Variants in DDHD1 observed in about 807,000 individuals in gnomAD.
The protein encoded by DDHD1 is phospholipase DDHD1.
A neutral mutation model predicts 96.4 loss-of-function variants in DDHD1; 49 were observed. The ratio of observed to expected loss-of-function variants is 0.51; its 90% CI spans 0.40 to 0.64. DDHD1 has a LOEUF of 0.64. DDHD1 is among the 30% of genes least tolerant of loss of function. The probability of loss-of-function intolerance (pLI) is 0.00; values close to 1 mark genes in which losing one functional copy is unlikely to be tolerated. For synonymous variants in DDHD1, 442 were observed against 446.5 expected, an observed-to-expected ratio of 0.99 and a Z score of 0.13; for missense variants, 1,106 against 1,161.2, an observed-to-expected ratio of 0.95 and a Z score of 0.69.
rs960496203 is a variant in DDHD1, at chr14:53,152,696, C to T, written c.403G>A (p.Ala135Thr). The T allele has an allele frequency of 6.2e-6, 10 of 1,610,998 alleles. No homozygotes were observed. Among genetic ancestry groups the T allele is most frequent in the Middle Eastern group, 1.7e-4 (1 of 6,004 alleles). The change falls in exon 1 of 13, where the codon GCG (alanine) becomes ACG (threonine). Residue 135 changes from alanine (A) to threonine (T), a missense_variant. Transcript: ENST00000673822. ...CTTTCCCCGGGGGACCCTCCTGTCG[C>T]GCCGCCGCCCCCCGAGTTCGTCGGG... ...LVPTNSGGGGATGGSPGERKR... is the reference protein window; with the variant it reads ...LVPTNSGGGGTTGGSPGERKR...
chr14:53,110,241 A>T (rs937165867), intron 1 of DDHD1, among the ~76,000 whole-genome samples: 18 of 152,156 alleles, frequency 1.2e-4, no homozygotes, highest in Admixed American at 2.6e-4. Flanking sequence ...GTTCACACTA[A>T]TCATTTCTTG....
At chr14:53,114,845 G>A (rs139266016) in intron 1 of DDHD1, among the ~76,000 whole-genome samples, 1 of 152,296 alleles carries the variant, frequency 6.6e-6, no homozygotes, top group East Asian at 1.9e-4. Flanking sequence ...CTCCTCTCCA[G>A]CAAGGTCACA....
chr14:53,139,668 AGAGT>A (rs773325851), intron 1 of DDHD1, among the ~76,000 whole-genome samples: 1 of 152,158 alleles, frequency 6.6e-6, no homozygotes, highest in African/African-American at 2.4e-5. Flanking sequence ...CCTCAGCAAC[AGAGT>A]GAGACCCTGT....
chr14:53,093,237 TATGA>T (rs1472543488), intron 3 of DDHD1, 75 bp downstream of exon 3: 1 of 1,420,656 alleles, frequency 7.0e-7, no homozygotes, highest in African/African-American at 1.5e-5. Context: ...AAAAACAGAA[TATGA>T]ATTGTCTATT....
intron 4 of DDHD1, among the ~76,000 whole-genome samples, chr14:53,077,227 ACTT>A (rs1339199755): frequency 4.6e-5 from 7 of 152,104 alleles, no homozygotes; most frequent in African/African-American, 1.4e-4. Context: ...GGTACACACA[ACTT>A]CTTCTCTTTT....
chr14:53,076,913 TAC>T (rs1403426903), intron 4 of DDHD1, among the ~76,000 whole-genome samples: 2 of 152,378 alleles, frequency 1.3e-5, no homozygotes, highest in African/African-American at 4.8e-5. Context: ...CATACTTGTT[TAC>T]AGTGTCGTGT....
chr14:53,052,851 A>G (rs1882721556), intron 11 of DDHD1: 1 of 151,968 alleles, frequency 6.6e-6, no homozygotes, highest in Non-Finnish European at 1.5e-5. Context: ...TAAGAATGAC[A>G]TAGTATGTAT....
chr14:53,146,988 C>A (rs10873068), intron 1 of DDHD1, among the ~76,000 whole-genome samples: 3 of 150,308 alleles, frequency 2.0e-5, no homozygotes, highest in African/African-American at 4.9e-5. Context: ...ACTACACTCA[C>A]GAAAAAACAA....
intron 4 of DDHD1, among the ~76,000 whole-genome samples, chr14:53,075,196 C>G (rs1301761615): frequency 6.6e-6 from 1 of 152,130 alleles, no homozygotes; most frequent in Non-Finnish European, 1.5e-5. Context: ...GTGAGAGAGG[C>G]ATGTCAAAAG....
chr14:53,103,037 A>G (rs1241338604), intron 2 of DDHD1: 1 of 1,568,722 alleles, frequency 6.4e-7, no homozygotes, highest in African/African-American at 1.4e-5. Context: ...TCACCAGAAT[A>G]GTTGATCCCA....
intron 2 of DDHD1, chr14:53,103,277 ATAAT>A (rs1250479336): frequency 2.5e-6 from 1 of 397,106 alleles, no homozygotes; most frequent in East Asian, 3.9e-5. Context: ...ATACACAAAG[ATAAT>A]TAAAGATTTT....
chr14:53,062,698 CTG>C (rs1883689983), intron 7 of DDHD1, among the ~76,000 whole-genome samples: 2 of 152,144 alleles, frequency 1.3e-5, no homozygotes, highest in African/African-American at 4.8e-5. Context: ...TCCTAACAAA[CTG>C]TGAAGAAACG....
chr14:53,118,357 C>A (rs1297790798), intron 1 of DDHD1, among the ~76,000 whole-genome samples: 1 of 152,124 alleles, frequency 6.6e-6, no homozygotes, highest in Non-Finnish European at 1.5e-5. Flanking sequence ...TAATAACAAA[C>A]TTCTCTGAGC....
intron 8 of DDHD1, among the ~76,000 whole-genome samples, chr14:53,059,534 C>T (rs1036955381): frequency 6.6e-6 from 1 of 150,528 alleles, no homozygotes; most frequent in African/African-American, 2.4e-5. Flanking sequence ...TGTGAGCCAC[C>T]GTGCCCAGCC....
chr14:53,111,676 T>A (rs1042212263), intron 1 of DDHD1, among the ~76,000 whole-genome samples: 1 of 152,142 alleles, frequency 6.6e-6, no homozygotes, highest in Admixed American at 6.5e-5. Context: ...AAATTAAGAA[T>A]TTTTCACTTT....
chr14:53,062,735 C>T (rs922679517), intron 7 of DDHD1, among the ~76,000 whole-genome samples: 2 of 151,916 alleles, frequency 1.3e-5, no homozygotes. Context: ...AGGAGAATAA[C>T]AAAAGAATTT....
At chr14:53,067,112 C>T (rs1181736659) in intron 6 of DDHD1, among the ~76,000 whole-genome samples, 1 of 151,786 alleles carries the variant, frequency 6.6e-6, no homozygotes, top group Non-Finnish European at 1.5e-5. Flanking sequence ...ATCTCAGAAC[C>T]ACCAAATGAG....
intron 1 of DDHD1, among the ~76,000 whole-genome samples, chr14:53,118,445 AAC>A (rs922093376): frequency 1.7e-4 from 26 of 152,312 alleles, no homozygotes; most frequent in African/African-American, 6.3e-4. Context: ...AACAAGAATA[AAC>A]AGTGTAAAGA....
At chr14:53,088,881 G>A (rs762066895) in intron 4 of DDHD1, among the ~76,000 whole-genome samples, 5 of 152,174 alleles carry the variant, frequency 3.3e-5, no homozygotes, top group African/African-American at 4.8e-5. Flanking sequence ...AAGTCAAATC[G>A]TCCCTACTTG....
Sources: allele counts gnomAD v4.1 joint callset (sites outside exome capture counted in the v4.1 genomes callset), GRCh38; gene constraint gnomAD v4.1.1; transcripts MANE v1.5; gene names NCBI Gene and HGNC (gene_info 2026-07-23, HGNC 2026-07-21).